Variants in PTPRG observed in about 807,000 individuals in gnomAD.
The protein encoded by PTPRG is protein tyrosine phosphatase receptor type G.
A neutral mutation model predicts 165.3 loss-of-function variants in PTPRG; 102 were observed. That is an observed-to-expected ratio of 0.62 (90% CI 0.53 to 0.73). PTPRG has a LOEUF of 0.73. Among genes scored for constraint, PTPRG ranks in the 30% least tolerant of loss-of-function variants. The probability of loss-of-function intolerance (pLI) is 0.00; values close to 1 mark genes in which losing one functional copy is unlikely to be tolerated. For missense variants in PTPRG, 1,866 were observed against 1,861.4 expected (o/e 1.00, Z -0.05); for synonymous variants, 675 against 669.5 (o/e 1.01, Z -0.13).
intron 4 of PTPRG, among the ~76,000 whole-genome samples, chr3:62,021,474 C>T (rs905799393): frequency 6.6e-6 from 1 of 152,034 alleles, no homozygotes; most frequent in African/African-American, 2.4e-5. Context: ...TTTGAAAAAG[C>T]CAAAAATATA....
At chr3:61,844,672 C>T (rs1238970985) in intron 2 of PTPRG, among the ~76,000 whole-genome samples, 45 of 114,440 alleles carry the variant, frequency 3.9e-4, no homozygotes, top group African/African-American at 1.8e-3. Context: ...TTTTTTTTTT[C>T]CCCCTGTTTG....
chr3:61,773,861 G>A (rs781694875), intron 2 of PTPRG, among the ~76,000 whole-genome samples: 10 of 150,984 alleles, frequency 6.6e-5, no homozygotes, highest in Admixed American at 2.6e-4. Flanking sequence ...CACAACCTCC[G>A]TCCCCCGTGT....
chr3:62,216,545 C>A (rs79676118), intron 12 of PTPRG, among the ~76,000 whole-genome samples: 32 of 151,962 alleles, frequency 2.1e-4, no homozygotes, highest in Admixed American at 1.8e-3. Context: ...GATTCCCCCC[C>A]CTCCCCCACC....
chr3:62,255,139 T>C lies in PTPRG; in HGVS notation c.2483T>C (p.Ile828Thr), dbSNP rs993503700. The C allele has an allele frequency of 7.4e-6, 12 of 1,612,648 alleles. No individual in the cohort carries two copies. Among genetic ancestry groups the C allele is most frequent in the African/African-American group, 1.3e-5 (1 of 74,868 alleles). The change falls in exon 16 of 30, where the codon ATT (isoleucine) becomes ACT (threonine). Residue 828 changes from isoleucine to threonine, a missense_variant. By Grantham distance (89) the Ile-to-Thr change is moderately conservative. This residue lies in a region of PTPRG where 1,452 missense variants were observed against 1,463.0 expected (regional missense o/e 0.99). Transcript: ENST00000474889. This position sits in a 1 kb window ranked among gnomAD's most constrained non-coding sequence, Gnocchi z 4.0. ...TTCCCCCCAGATGACATGGAAGCCA[T>C]TCCTGTCAAACAGTTTGTCAAACAC... ...IIPIPDDMEA[I>T]PVKQFVKHIG...
chr3:62,077,743 C>T (rs912173166), intron 4 of PTPRG, among the ~76,000 whole-genome samples: 7 of 152,066 alleles, frequency 4.6e-5, no homozygotes, highest in Admixed American at 4.6e-4. Context: ...GTGGCTCATG[C>T]CTGTAATCCC....
chr3:61,688,494 C>G (rs955515008), intron 1 of PTPRG, among the ~76,000 whole-genome samples: 2 of 152,190 alleles, frequency 1.3e-5, no homozygotes, highest in Non-Finnish European at 2.9e-5. Flanking sequence ...CAGCAGGTCT[C>G]AAGCTTTGTC....
intron 1 of PTPRG, among the ~76,000 whole-genome samples, chr3:61,625,543 T>A (rs1029033938): frequency 1.3e-5 from 2 of 152,176 alleles, no homozygotes; most frequent in Non-Finnish European, 2.9e-5. Context: ...AGTATTCACT[T>A]GGGTGTGTTT....
intron 5 of PTPRG, among the ~76,000 whole-genome samples, chr3:62,114,467 T>C (rs1158599959): frequency 6.6e-6 from 1 of 152,180 alleles, no homozygotes; most frequent in Non-Finnish European, 1.5e-5. Flanking sequence ...TGTTGTTGTT[T>C]AGGAGTCATT....
chr3:61,795,561 A>G (rs2035017272), intron 2 of PTPRG, among the ~76,000 whole-genome samples: 1 of 144,390 alleles, frequency 6.9e-6, no homozygotes, highest in Non-Finnish European at 1.5e-5. Flanking sequence ...AATCACTTGA[A>G]TCTGGGAAGC....
chr3:62,203,083 C>G lies in PTPRG; in HGVS notation c.1378-90C>G. The G allele has an allele frequency of 6.6e-7, 1 of 1,510,790 alleles. No homozygotes were observed. The highest frequency in any genetic ancestry group is 8.8e-7 in the Non-Finnish European group (1 of 1,130,196). The allele number at this position is 1,510,790 out of a possible 1,614,324, so 93.6% of individuals were successfully genotyped here. On this transcript the variant is annotated intron_variant, in intron 11 of 29. Transcript: ENST00000474889. This position sits in a 1 kb window ranked among gnomAD's most constrained non-coding sequence, Gnocchi z 6.4. ...AGTAAAATCCTCAGAGGGTGACAAC[C>G]AGGGCCTCATTCCCAATCTCAATTA...
intron 14 of PTPRG, among the ~76,000 whole-genome samples, chr3:62,239,349 C>CTT (rs1168589653): frequency 5.6e-5 from 8 of 144,072 alleles, no homozygotes; most frequent in African/African-American, 2.1e-4. Context: ...TTCTTTCTTT[C>CTT]TTTTTTCTTT....
intron 2 of PTPRG, among the ~76,000 whole-genome samples, chr3:61,983,066 A>G (rs1487659081): frequency 6.6e-6 from 1 of 152,196 alleles, no homozygotes; most frequent in Non-Finnish European, 1.5e-5. Flanking sequence ...AAAATTTAGA[A>G]TATTTCTATC....
intron 2 of PTPRG, among the ~76,000 whole-genome samples, chr3:61,861,811 G>T (rs1264722036): frequency 6.6e-6 from 1 of 152,166 alleles, no homozygotes; most frequent in East Asian, 1.9e-4. Flanking sequence ...GCCGATGCCC[G>T]TGGGTTTGAT....
At chr3:61,749,758 C>G (rs1398777736) in intron 2 of PTPRG, 1 of 152,778 alleles carries the variant, frequency 6.5e-6, no homozygotes, top group Non-Finnish European at 1.5e-5. Flanking sequence ...TAAGATAGAC[C>G]ACTTTGGAAA....
intron 5 of PTPRG, among the ~76,000 whole-genome samples, chr3:62,119,700 A>G (rs888141123): frequency 3.3e-5 from 5 of 151,872 alleles, no homozygotes; most frequent in African/African-American, 9.7e-5. Context: ...GGCTCACTGC[A>G]AACTCCACGT....
At chr3:61,931,252 G>A (rs971958381) in intron 2 of PTPRG, among the ~76,000 whole-genome samples, 3 of 152,328 alleles carry the variant, frequency 2.0e-5, no homozygotes, top group African/African-American at 7.2e-5. Context: ...GGCTCTGGAA[G>A]GTTTTGCGAT....
At chr3:61,711,394 T>G (rs1250753366) in intron 1 of PTPRG, among the ~76,000 whole-genome samples, 1 of 152,218 alleles carries the variant, frequency 6.6e-6, no homozygotes, top group African/African-American at 2.4e-5. Context: ...ACCAACAGTG[T>G]AAAGTGTTCC....
intron 3 of PTPRG, among the ~76,000 whole-genome samples, chr3:61,996,382 G>A (rs1339997701): frequency 6.6e-6 from 1 of 152,156 alleles, no homozygotes; most frequent in African/African-American, 2.4e-5. Context: ...AATATGGGAT[G>A]ATGATGGTAG....
intron 2 of PTPRG, among the ~76,000 whole-genome samples, chr3:61,800,897 AG>A (rs961486720): frequency 9.9e-5 from 15 of 152,198 alleles, no homozygotes; most frequent in African/African-American, 3.4e-4. Flanking sequence ...ACCCGCCGTC[AG>A]CCTCCCAAAG....
Sources: allele counts gnomAD v4.1 joint callset (sites outside exome capture counted in the v4.1 genomes callset), GRCh38; gene constraint gnomAD v4.1.1; regional missense constraint gnomAD v4.1.1; non-coding constraint Gnocchi (gnomAD v3.1); transcripts MANE v1.5; gene names NCBI Gene and HGNC (gene_info 2026-07-23, HGNC 2026-07-21).